The following TRPC6 variants were observed in gnomAD, a reference collection of about 807,000 sequenced individuals.
TRPC6 encodes transient receptor potential cation channel subfamily C member 6.
Under a neutral mutation model 90.7 loss-of-function variants are expected in TRPC6, and 55 were observed. The ratio of observed to expected loss-of-function variants is 0.61; its 90% CI spans 0.49 to 0.76. TRPC6 has a LOEUF of 0.76. Among genes scored for constraint, TRPC6 ranks in the 30% least tolerant of loss-of-function variants. The pLI is 0.00. For synonymous variants in TRPC6, 393 were observed against 393.0 expected, an observed-to-expected ratio of 1.00 and a Z score of 0.00; for missense variants, 989 against 1,122.7, an observed-to-expected ratio of 0.88 and a Z score of 1.70.
intron 10 of TRPC6, among the ~76,000 whole-genome samples, chr11:101,460,008 G>A (rs1247011043): frequency 1.3e-5 from 2 of 152,166 alleles, no homozygotes; most frequent in East Asian, 1.9e-4. Flanking sequence ...ATGAATTGCT[G>A]AAGGGGCAGA....
At chr11:101,488,850 C>T (rs1193007936) in intron 4 of TRPC6, 87 bp downstream of exon 4, 9 of 1,488,104 alleles carry the variant, frequency 6.0e-6, no homozygotes, top group Non-Finnish European at 7.4e-6. Flanking sequence ...CTGTGATTCC[C>T]TGAAATTTTC....
At chr11:101,546,021 AT>A (rs1359532582) in intron 1 of TRPC6, among the ~76,000 whole-genome samples, 3 of 143,190 alleles carry the variant, frequency 2.1e-5, no homozygotes, top group Non-Finnish European at 4.6e-5. Context: ...AAATAAAAAA[AT>A]AATGGATCTA....
At chr11:101,466,225 C>T (rs980748637) in intron 10 of TRPC6, among the ~76,000 whole-genome samples, 5 of 152,238 alleles carry the variant, frequency 3.3e-5, no homozygotes, top group Non-Finnish European at 7.3e-5. Context: ...CTTAGCAGAG[C>T]TCAAACACTG....
chr11:101,485,938 G>T (rs533010963), intron 4 of TRPC6, among the ~76,000 whole-genome samples: 1 of 151,892 alleles, frequency 6.6e-6, no homozygotes, highest in African/African-American at 2.4e-5. Flanking sequence ...GCCCCTACCT[G>T]GCTTCCCTTC....
At position 101,473,677 on chromosome 11, in the gene TRPC6, A is replaced by G; in HGVS notation, c.1841T>C (p.Leu614Ser). ...AGGTCCAAAGCTTTCATTTGCTGGTAAAATATAAGCTATCCTAGAGAAACT... is the reference window on the plus strand; with the variant it reads ...AGGTCCAAAGCTTTCATTTGCTGGTGAAATATAAGCTATCCTAGAGAAACT... ...VLSFSRIAYILPANESFGPLQ... is the reference protein window; with the variant it reads ...VLSFSRIAYISPANESFGPLQ... Residue 614 changes from leucine to serine, a missense_variant, in exon 7 of 13, where the codon TTA becomes TCA. Around this residue, in one of 4 missense-constraint regions of TRPC6, gnomAD observed 118 missense variants for 197.6 expected, o/e 0.60. Coordinates refer to ENST00000344327, the MANE Select transcript of TRPC6 (RefSeq NM_004621.6). The G allele has an allele frequency of 6.2e-7, 1 of 1,613,794 alleles. No homozygotes were observed. The highest frequency in any genetic ancestry group is 8.5e-7 in the Non-Finnish European group (1 of 1,179,794).
intron 1 of TRPC6, among the ~76,000 whole-genome samples, chr11:101,521,021 T>C (rs187982563): frequency 1.1e-4 from 17 of 152,274 alleles, no homozygotes; most frequent in African/African-American, 3.8e-4. Flanking sequence ...AGCCTGACCC[T>C]GTGTAGAAAA....
chr11:101,488,058 A>G (rs1859717247), intron 4 of TRPC6, among the ~76,000 whole-genome samples: 1 of 152,216 alleles, frequency 6.6e-6, no homozygotes, highest in Non-Finnish European at 1.5e-5. Flanking sequence ...AAGTAACCCA[A>G]CTGATAGTTC....
chr11:101,503,447 G>A (rs1860178166), intron 2 of TRPC6, among the ~76,000 whole-genome samples: 1 of 152,106 alleles, frequency 6.6e-6, no homozygotes. Flanking sequence ...AGCCTAACAG[G>A]AATTAAATAT....
In TRPC6 at chr11:101,455,043, A is replaced by G; in HGVS notation, c.2543T>C (p.Phe848Ser). The change falls in exon 11 of 13, where the codon TTC becomes TCC. Residue 848 changes from phenylalanine (F) to serine (S), a missense_variant. Coordinates refer to ENST00000344327, the MANE Select transcript of TRPC6 (RefSeq NM_004621.6). ...RSSEDFHLNS[F>S]NNPPRQYQKI... ...CTGATATTGTCTTGGAGGATTATTGAAACTATTTAGATGGAAATCTTCTGA... is the reference window on the plus strand; with the variant it reads ...CTGATATTGTCTTGGAGGATTATTGGAACTATTTAGATGGAAATCTTCTGA... 6.2e-7 allele frequency: 1 copy of G among 1,612,534 alleles called. No homozygotes were observed. The highest frequency in any genetic ancestry group is 8.5e-7 in the Non-Finnish European group (1 of 1,179,028).
chr11:101,529,431 C>G (rs1331371791), intron 1 of TRPC6, among the ~76,000 whole-genome samples: 2 of 152,198 alleles, frequency 1.3e-5, no homozygotes, highest in African/African-American at 2.4e-5. Context: ...GATAAAAGCA[C>G]GAGCGTGCAC....
chr11:101,534,213 G>A (rs1015139303), intron 1 of TRPC6, among the ~76,000 whole-genome samples: 3 of 152,070 alleles, frequency 2.0e-5, no homozygotes, highest in Non-Finnish European at 4.4e-5. Context: ...TCAGCTCACT[G>A]CAACCTCTGC....
intron 10 of TRPC6, among the ~76,000 whole-genome samples, chr11:101,463,661 A>G (rs530333227): frequency 1.1e-4 from 16 of 152,120 alleles, no homozygotes; most frequent in African/African-American, 3.6e-4. Context: ...GATATCCCCT[A>G]TATCATTTTT....
chr11:101,572,823 AC>A (rs1861992853), intron 1 of TRPC6, among the ~76,000 whole-genome samples: 2 of 152,140 alleles, frequency 1.3e-5, no homozygotes, highest in Non-Finnish European at 2.9e-5. Flanking sequence ...ACATATGGAC[AC>A]AGGCAGGGGA....
At chr11:101,468,125 G>A (rs969769706) in intron 10 of TRPC6, among the ~76,000 whole-genome samples, 9 of 152,258 alleles carry the variant, frequency 5.9e-5, no homozygotes, top group Admixed American at 1.3e-4. Context: ...CAGCCCATGC[G>A]GCCCCATTGC....
chr11:101,573,740 T>C (rs1050166069), intron 1 of TRPC6, among the ~76,000 whole-genome samples: 1 of 152,164 alleles, frequency 6.6e-6, no homozygotes, highest in African/African-American at 2.4e-5. Context: ...TGTCTTATAA[T>C]CCAAGCCTTC....
chr11:101,488,912 A>G (rs200239268), intron 4 of TRPC6, 25 bp downstream of exon 4: 12 of 1,613,664 alleles, frequency 7.4e-6, no homozygotes, highest in Admixed American at 1.7e-5. Context: ...AGTAGATAAT[A>G]GAGGTCCAGG....
chr11:101,525,818 G>C (rs1442168306), intron 1 of TRPC6, among the ~76,000 whole-genome samples: 1 of 152,318 alleles, frequency 6.6e-6, no homozygotes, highest in Middle Eastern at 3.4e-3. Context: ...ATTTGAAGTT[G>C]AGAGGATCAG....
intron 1 of TRPC6, among the ~76,000 whole-genome samples, chr11:101,576,409 C>A (rs951086677): frequency 4.6e-5 from 7 of 152,174 alleles, no homozygotes; most frequent in Admixed American, 1.3e-4. Context: ...ATGCTGCAAT[C>A]ATATAGGTTG....
intron 1 of TRPC6, among the ~76,000 whole-genome samples, chr11:101,545,224 C>A (rs12785250): frequency 0.1 from 15,186 of 152,092 alleles, 863 homozygotes; most frequent in Middle Eastern, 0.14. Flanking sequence ...AAATAATAAC[C>A]ATACAACAAT....
Sources: allele counts gnomAD v4.1 joint callset (sites outside exome capture counted in the v4.1 genomes callset), GRCh38; gene constraint gnomAD v4.1.1; regional missense constraint gnomAD v4.1.1; transcripts MANE v1.5; gene names NCBI Gene and HGNC (gene_info 2026-07-23, HGNC 2026-07-21).